Variants in ADAMTSL3 observed in about 807,000 individuals in gnomAD.
ADAMTSL3 encodes ADAMTS-like protein 3.
Under a neutral mutation model 201.7 loss-of-function variants are expected in ADAMTSL3, and 128 were observed. That is an observed-to-expected ratio of 0.63 (90% CI 0.55 to 0.73). The LOEUF is 0.73. Among genes scored for constraint, ADAMTSL3 ranks in the 30% least tolerant of loss-of-function variants. ADAMTSL3 has a pLI of 0.00. For missense variants in ADAMTSL3, 1,990 were observed against 2,119.6 expected (o/e 0.94, Z 1.20); for synonymous variants, 738 against 748.4 (o/e 0.99, Z 0.23).
At position 83,890,184 on chromosome 15, in the gene ADAMTSL3, A is replaced by T. The variant is rs2065476707; in HGVS notation, c.1148A>T (p.Tyr383Phe). 1 of 1,613,952 alleles carries T rather than the reference A, an allele frequency of 6.2e-7. No individual in the cohort carries two copies. Among genetic ancestry groups the T allele is most frequent in the South Asian group, 1.1e-5 (1 of 91,076 alleles). ...GTTCCTGACCATTATTGTCACTACT[A>T]CCCTGAAAATGTAAAACCAAAACCA... ...RVVPDHYCHY[Y>F]PENVKPKPKL... Residue 383 changes from tyrosine to phenylalanine, a missense_variant, in exon 11 of 30, where the codon TAC becomes TTC. Tyr to Phe is a conservative substitution (Grantham distance 22). Coordinates refer to ENST00000286744, the MANE Select transcript of ADAMTSL3 (RefSeq NM_207517.3).
intron 20 of ADAMTSL3, 57 bp downstream of exon 20, chr15:83,970,694 C>G: frequency 6.3e-7 from 1 of 1,588,756 alleles, no homozygotes; most frequent in Non-Finnish European, 8.6e-7. Flanking sequence ...CATTTTGTCC[C>G]GATGTCTTTA....
chr15:83,773,416 A>T, intron 3 of ADAMTSL3, 107 bp from the exon 4 acceptor site: 1 of 1,309,470 alleles, frequency 7.6e-7, no homozygotes, highest in Non-Finnish European at 1.1e-6. Context: ...ATTAAAAAAA[A>T]AAAGGTGACT....
At chr15:83,862,763 A>T (rs184287629) in intron 8 of ADAMTSL3, 91 of 152,320 alleles carry the variant, frequency 6.0e-4, no homozygotes, top group African/African-American at 2.0e-3. Context: ...AAATTCACAC[A>T]TAACAATATT....
chr15:83,744,907 T>C (rs936672920), intron 3 of ADAMTSL3, among the ~76,000 whole-genome samples: 7 of 152,184 alleles, frequency 4.6e-5, no homozygotes, highest in African/African-American at 1.4e-4. Flanking sequence ...AGGGAAACTC[T>C]GGGCATAAGA....
At chr15:83,807,090 G>A (rs955325237) in intron 5 of ADAMTSL3, among the ~76,000 whole-genome samples, 5 of 152,208 alleles carry the variant, frequency 3.3e-5, no homozygotes, top group South Asian at 4.1e-4. Context: ...ATATTTACAA[G>A]AGCTACAAAA....
Position 83,913,099 on chromosome 15 carries a change from C to G in ADAMTSL3, c.1708C>G (p.Pro570Ala). 8 of 1,613,802 alleles carry G rather than the reference C, an allele frequency of 5.0e-6. No homozygotes were observed. Among genetic ancestry groups the G allele is most frequent in the Non-Finnish European group, 6.8e-6 (8 of 1,179,906 alleles). ...CTTCCTGGTTTTCCCTAGGTTCATT[C>G]CAGAACCCTGGTCAGCCTGCAGTAC... ...RIATEEPTFI[P>A]EPWSACSTTC... The change falls in exon 16 of 30, where the codon CCA becomes GCA. Residue 570 changes from proline to alanine, a missense_variant. Transcript: ENST00000286744.
At chr15:83,688,749 T>TACACACACACACAC (rs1157433275) in intron 2 of ADAMTSL3, among the ~76,000 whole-genome samples, 1,302 of 48,902 alleles carry the variant, frequency 0.027, 25 homozygotes, top group African/African-American at 0.08. Flanking sequence ...TACACATGCA[T>TACACACACACACAC]ATATATACAC....
chr15:83,883,751 A>C (rs998825987), intron 9 of ADAMTSL3, among the ~76,000 whole-genome samples: 1 of 150,730 alleles, frequency 6.6e-6, no homozygotes, highest in East Asian at 2.0e-4. Flanking sequence ...TCTTTTGGAG[A>C]GATAGGATCT....
chr15:83,681,757 GAGAA>G (rs2061478831), intron 2 of ADAMTSL3, among the ~76,000 whole-genome samples: 2 of 152,150 alleles, frequency 1.3e-5, no homozygotes, highest in Non-Finnish European at 2.9e-5. Flanking sequence ...TGCATGGTAA[GAGAA>G]AGAGAGAGAC....
chr15:83,956,320 G>A (rs1394797406), intron 19 of ADAMTSL3, among the ~76,000 whole-genome samples: 9 of 152,184 alleles, frequency 5.9e-5, no homozygotes, highest in African/African-American at 1.4e-4. Context: ...GTGATTTAAG[G>A]CCATCTTTTC....
intron 20 of ADAMTSL3, among the ~76,000 whole-genome samples, chr15:83,974,727 T>A (rs4842927): frequency 0.5 from 76,569 of 152,084 alleles, 19,676 homozygotes; most frequent in Middle Eastern, 0.6. Context: ...CAGGCATCTG[T>A]AGAAAAGAAG....
At chr15:83,777,308 G>A (rs908924935) in intron 4 of ADAMTSL3, among the ~76,000 whole-genome samples, 4 of 152,214 alleles carry the variant, frequency 2.6e-5, no homozygotes, top group African/African-American at 9.6e-5. Context: ...GTGCAAATGA[G>A]TATGGATCCC....
intron 6 of ADAMTSL3, among the ~76,000 whole-genome samples, chr15:83,822,038 C>T (rs1432656720): frequency 2.1e-5 from 3 of 145,346 alleles, no homozygotes; most frequent in African/African-American, 7.7e-5. Context: ...GGTGGCTGGC[C>T]GGGCAGAGGG....
intron 4 of ADAMTSL3, among the ~76,000 whole-genome samples, chr15:83,800,610 A>G (rs891719453): frequency 1.3e-5 from 2 of 152,204 alleles, no homozygotes; most frequent in Non-Finnish European, 2.9e-5. Flanking sequence ...CATCTGAAAA[A>G]TTATTTCTGA....
intron 9 of ADAMTSL3, 90 bp from the exon 10 acceptor site, chr15:83,885,011 A>G: frequency 1.2e-6 from 1 of 809,552 alleles, no homozygotes; most frequent in Non-Finnish European, 2.0e-6. Context: ...GGTTGTCTAC[A>G]TACATGAAGA....
chr15:83,821,175 A>T lies in ADAMTSL3; in HGVS notation c.600+1128A>T, dbSNP rs553331317. On this transcript the variant is annotated intron_variant, in intron 6 of 29. Coordinates refer to ENST00000286744, the MANE Select transcript of ADAMTSL3 (RefSeq NM_207517.3). Reference sequence around the variant, plus strand: ...TCTATTCTTTTGACTTCTGAAAAATATTTTTTTTTTTCCAAATGTGAGCAG... The same window carrying T: ...TCTATTCTTTTGACTTCTGAAAAATTTTTTTTTTTTTCCAAATGTGAGCAG... 2.1e-4 allele frequency among the ~76,000 whole-genome samples: 31 copies of T among 147,320 alleles called. No individual in the cohort carries two copies. In the South Asian group the frequency reaches 2.4e-3, roughly 11 times the overall value.
At chr15:83,767,045 G>C (rs1567131088) in intron 3 of ADAMTSL3, among the ~76,000 whole-genome samples, 1 of 152,200 alleles carries the variant, frequency 6.6e-6, no homozygotes, top group Non-Finnish European at 1.5e-5. Context: ...AGTGAGCCAA[G>C]ATTGTGCCAC....
chr15:83,924,046 T>C lies in ADAMTSL3; in HGVS notation c.2117+13T>C. The C allele has an allele frequency of 6.2e-7, 1 of 1,613,886 alleles. No homozygotes were observed. The highest frequency in any genetic ancestry group is 8.5e-7 in the Non-Finnish European group (1 of 1,179,890). On this transcript the variant is annotated intron_variant, in intron 17 of 29. Coordinates refer to ENST00000286744, the MANE Select transcript of ADAMTSL3 (RefSeq NM_207517.3). ...CCTGTCCCCCCAGGTATGTGCTGTC[T>C]TGTGTTCCTGGTATATACCGTGTCC...
chr15:83,680,182 A>G (rs754906681), intron 2 of ADAMTSL3, among the ~76,000 whole-genome samples: 1 of 151,964 alleles, frequency 6.6e-6, no homozygotes, highest in Non-Finnish European at 1.5e-5. Flanking sequence ...GCTTGTTGGC[A>G]TTTATGAGTT....
Sources: gnomAD v4.1 joint callset for allele counts (sites outside exome capture counted in the v4.1 genomes callset) on GRCh38, gnomAD v4.1.1 for gene constraint, MANE v1.5 for transcripts, NCBI Gene and HGNC (gene_info 2026-07-23, HGNC 2026-07-21) for gene names.